LRP1B: variants seen among roughly 807,000 people sequenced by gnomAD.
LRP1B encodes low-density lipoprotein receptor-related protein 1B.
Under a neutral mutation model 556.6 loss-of-function variants are expected in LRP1B, and 217 were observed. That is an observed-to-expected ratio of 0.39 (90% CI 0.35 to 0.44). LRP1B has a LOEUF of 0.44. Ranked by LOEUF, LRP1B falls within the 20% of genes least tolerant of loss-of-function variation. The pLI, the probability that LRP1B is intolerant of heterozygous loss-of-function variation, is 1.00. For missense variants in LRP1B, 5,053 were observed against 5,620.8 expected (o/e 0.90, Z 3.23); for synonymous variants, 2,047 against 1,865.8 (o/e 1.10, Z -2.50).
At chr2:141,947,816 G>GAA (rs373885349) in intron 1 of LRP1B, among the ~76,000 whole-genome samples, 24,016 of 140,794 alleles carry the variant, frequency 0.17, 2,424 homozygotes, top group East Asian at 0.27. Flanking sequence ...TTAAATATCA[G>GAA]AAAAAAAAAA....
intron 1 of LRP1B, among the ~76,000 whole-genome samples, chr2:141,927,204 T>A (rs975173704): frequency 3.9e-5 from 6 of 152,076 alleles, no homozygotes; most frequent in Non-Finnish European, 5.9e-5. Context: ...ATTCCCCTAA[T>A]AGATTACCAT....
intron 47 of LRP1B, among the ~76,000 whole-genome samples, chr2:140,533,525 G>T (rs1243320386): frequency 1.3e-5 from 2 of 152,038 alleles, no homozygotes; most frequent in Admixed American, 6.6e-5. Flanking sequence ...AGGGAAACCA[G>T]GTAAAGGCAT....
chr2:141,265,687 A>C (rs956764208), intron 3 of LRP1B, among the ~76,000 whole-genome samples: 2 of 152,202 alleles, frequency 1.3e-5, no homozygotes, highest in African/African-American at 4.8e-5. Context: ...TTCTCAAAAC[A>C]AAAAAGTAAT....
intron 41 of LRP1B, among the ~76,000 whole-genome samples, chr2:140,617,839 T>C (rs1683312019): frequency 2.0e-5 from 3 of 152,004 alleles, no homozygotes; most frequent in Admixed American, 2.0e-4. Context: ...AAATCCTACT[T>C]AATTAGGAAA....
At chr2:140,813,931 G>C (rs1470335192) in intron 31 of LRP1B, 125 bp from the exon 32 acceptor site, 1 of 670,410 alleles carries the variant, frequency 1.5e-6, no homozygotes, top group African/African-American at 1.8e-5. Context: ...TTACAAATAA[G>C]ATCTGGCTAA....
At chr2:141,216,980 G>T (rs1005611184) in intron 6 of LRP1B, among the ~76,000 whole-genome samples, 3 of 152,154 alleles carry the variant, frequency 2.0e-5, no homozygotes, top group South Asian at 4.1e-4. Context: ...TAATTGATCT[G>T]ATGCTGGAAT....
chr2:140,463,895 G>A (rs1416961791), intron 60 of LRP1B, among the ~76,000 whole-genome samples: 2 of 152,102 alleles, frequency 1.3e-5, no homozygotes, highest in African/African-American at 4.8e-5. Flanking sequence ...TAATGTGGAA[G>A]CATAGAAATT....
chr2:141,576,495 T>A (rs1437093148), intron 2 of LRP1B, among the ~76,000 whole-genome samples: 1 of 152,050 alleles, frequency 6.6e-6, no homozygotes, highest in Non-Finnish European at 1.5e-5. Context: ...GGTCAATAGG[T>A]GCAGCAGATC....
chr2:142,119,082 T>C (rs1315846318), intron 1 of LRP1B, among the ~76,000 whole-genome samples: 1 of 152,202 alleles, frequency 6.6e-6, no homozygotes, highest in Non-Finnish European at 1.5e-5. Flanking sequence ...AATAAATTAG[T>C]TGAGATCTTT....
chr2:140,532,684 C>T (rs1187942869), intron 47 of LRP1B, among the ~76,000 whole-genome samples: 3 of 151,972 alleles, frequency 2.0e-5, no homozygotes, highest in Admixed American at 6.6e-5. Flanking sequence ...CATGAGCCAC[C>T]ACGCCTGGCC....
At chr2:140,849,198 T>G (rs1191867358) in intron 29 of LRP1B, among the ~76,000 whole-genome samples, 2 of 16,916 alleles carry the variant, frequency 1.2e-4, no homozygotes, top group African/African-American at 1.4e-4. Flanking sequence ...CTACTAAAAA[T>G]ACAAAAAAAA....
intron 3 of LRP1B, among the ~76,000 whole-genome samples, chr2:141,309,809 T>C (rs956874098): frequency 1.3e-5 from 2 of 151,942 alleles, no homozygotes; most frequent in African/African-American, 4.8e-5. Context: ...AACCTGCACG[T>C]TCTGCACATG....
chr2:142,018,392 G>C (rs943290317), intron 1 of LRP1B, among the ~76,000 whole-genome samples: 3 of 152,146 alleles, frequency 2.0e-5, no homozygotes, highest in Non-Finnish European at 4.4e-5. Flanking sequence ...TGATAGAAGT[G>C]TGAATGGCAG....
intron 3 of LRP1B, among the ~76,000 whole-genome samples, chr2:141,296,860 C>T (rs1686200842): frequency 6.6e-6 from 1 of 152,144 alleles, no homozygotes; most frequent in Admixed American, 6.5e-5. Flanking sequence ...ACTCTCCTCC[C>T]TCTCTCCCTG....
intron 1 of LRP1B, among the ~76,000 whole-genome samples, chr2:142,097,833 A>G (rs1706429363): frequency 6.6e-6 from 1 of 151,726 alleles, no homozygotes; most frequent in Non-Finnish European, 1.5e-5. Context: ...GGCATTCAGA[A>G]TAAGTAAGAC....
At chr2:141,932,835 AT>A (rs903488887) in intron 1 of LRP1B, among the ~76,000 whole-genome samples, 3 of 152,054 alleles carry the variant, frequency 2.0e-5, no homozygotes, top group Non-Finnish European at 4.4e-5. Context: ...GTAAATCTGT[AT>A]AAAATAAAAG....
chr2:141,255,908 CA>C (rs1362576533), intron 3 of LRP1B, among the ~76,000 whole-genome samples: 1 of 151,736 alleles, frequency 6.6e-6, no homozygotes, highest in Non-Finnish European at 1.5e-5. Flanking sequence ...AGAATCAGTT[CA>C]AAATTGGCTT....
chr2:141,054,056 A>G (rs528954847), intron 10 of LRP1B, among the ~76,000 whole-genome samples: 1 of 152,156 alleles, frequency 6.6e-6, no homozygotes, highest in South Asian at 2.1e-4. Context: ...ATGTAAACAA[A>G]GTACAAAAAT....
At chr2:141,634,024 A>C (rs1421211650) in intron 2 of LRP1B, among the ~76,000 whole-genome samples, 3 of 151,046 alleles carry the variant, frequency 2.0e-5, no homozygotes, top group Admixed American at 6.6e-5. Flanking sequence ...TATTTCCCAC[A>C]CAGCAATGCT....
Sources: gnomAD v4.1 joint callset for allele counts (sites outside exome capture counted in the v4.1 genomes callset) on GRCh38, gnomAD v4.1.1 for gene constraint, MANE v1.5 for transcripts, NCBI Gene and HGNC (gene_info 2026-07-23, HGNC 2026-07-21) for gene names.